QRICH2: variants seen among roughly 807,000 people sequenced by gnomAD.
The protein encoded by QRICH2 is glutamine rich 2.
A neutral mutation model predicts 168.3 loss-of-function variants in QRICH2; 119 were observed. The ratio of observed to expected loss-of-function variants is 0.71; its 90% confidence interval spans 0.61 to 0.82. The LOEUF is 0.82. QRICH2 is among the 40% of genes least tolerant of loss of function. The pLI is 0.00. For missense variants in QRICH2, 2,241 were observed against 2,491.6 expected (o/e 0.90, Z 2.14); for synonymous variants, 894 against 951.2 (o/e 0.94, Z 1.11).
intron 6 of QRICH2, 28 bp from the exon 7 acceptor site, chr17:76,287,334 A>C (rs2070908012): frequency 6.5e-7 from 1 of 1,537,792 alleles, no homozygotes; most frequent in Non-Finnish European, 9.0e-7. Flanking sequence ...AGACTGCCAG[A>C]CTCCACACTC....
In QRICH2 at chr17:76,281,778, C is replaced by T. The variant is rs548851214; in HGVS notation, c.4263+86G>A. 9 of 1,542,256 alleles carry T rather than the reference C, an allele frequency of 5.8e-6. No individual in the cohort carries two copies. In the South Asian group the frequency reaches 9.5e-5, roughly 16 times the overall value. ...CTGACCTTGAGGCCCAAACACCCGCCCCACTTCTGTGGGTCTGCAGCAGGG... is the reference window on the plus strand; with the variant it reads ...CTGACCTTGAGGCCCAAACACCCGCTCCACTTCTGTGGGTCTGCAGCAGGG... On this transcript the variant is annotated intron_variant, in intron 8 of 18. Transcript: ENST00000680821. This position sits in a 1 kb window ranked among gnomAD's most constrained non-coding sequence, Gnocchi z 4.4.
intron 7 of QRICH2, among the ~76,000 whole-genome samples, chr17:76,286,622 G>T (rs529133138): frequency 6.6e-6 from 1 of 152,080 alleles, no homozygotes; most frequent in South Asian, 2.1e-4. Flanking sequence ...CAATTTAAAA[G>T]GGTGAATTCA....
chr17:76,286,573 G>A (rs1327232486), intron 7 of QRICH2, among the ~76,000 whole-genome samples: 1 of 152,090 alleles, frequency 6.6e-6, no homozygotes, highest in East Asian at 1.9e-4. Context: ...TTAGATTGTG[G>A]TGATAGTTGC....
At chr17:76,279,618 G>C (rs559632226) in intron 12 of QRICH2, among the ~76,000 whole-genome samples, 190 bp from the exon 13 acceptor site, 25 of 152,280 alleles carry the variant, frequency 1.6e-4, no homozygotes, top group African/African-American at 5.8e-4. Flanking sequence ...AAAGCCAGCA[G>C]GCTTCCCATG....
chr17:76,279,352 T>C lies in QRICH2; in HGVS notation c.4814+11A>G. ...CATGCGAGGCCACGTGCCGGCGGTG[T>C]GGGCACTCACTGTCCAGTCACAGGT... is the stretch of plus-strand genomic sequence containing the variant. On this transcript the variant is annotated intron_variant, in intron 13 of 18. Transcript: ENST00000680821. The C allele has an allele frequency of 6.2e-7, 1 of 1,610,526 alleles. No homozygotes were observed. The highest frequency in any genetic ancestry group is 8.5e-7 in the Non-Finnish European group (1 of 1,178,064).
Position 76,282,027 on chromosome 17 carries a change from G to C in QRICH2, c.4100C>G (p.Thr1367Ser), listed in dbSNP as rs2070798054. The C allele has an allele frequency of 1.2e-6, 2 of 1,613,602 alleles. No individual in the cohort carries two copies. Among genetic ancestry groups the C allele is most frequent in the African/African-American group, 2.7e-5 (2 of 74,940 alleles). ...SMSMAPHKAHTLAPGQIDPEA... is the reference protein window; with the variant it reads ...SMSMAPHKAHSLAPGQIDPEA... ...AGGGTCGATCTGGCCAGGAGCCAAG[G>C]TGTGGGCCTTGTGCGGGGCCATGCT... The change falls in exon 8 of 19, where the codon ACC becomes AGC. Residue 1367 changes from threonine to serine, a missense_variant. Physicochemically the swap from Thr to Ser is moderately conservative, Grantham distance 58. Transcript: ENST00000680821.
In QRICH2 at chr17:76,292,966, C is replaced by G; in HGVS notation, c.1761G>C (p.Gln587His). Residue 587 changes from glutamine to histidine, a missense_variant, in exon 4 of 19, where the codon CAG becomes CAC. Physicochemically the swap from Gln to His is conservative, Grantham distance 24. Transcript: ENST00000680821. ...CTGCACCAGGTTGGACCAAGCCAGG[C>G]TGATATGCACCACGCTGCACCAAAG... ...QRALVQRGAY[Q>H]PGLVQPGADQ... The G allele has an allele frequency of 6.2e-7, 1 of 1,614,204 alleles. No homozygotes were observed. The highest frequency in any genetic ancestry group is 8.5e-7 in the Non-Finnish European group (1 of 1,180,050).
Position 76,280,458 on chromosome 17 carries a change from AG to A in QRICH2, c.4462-8del. On this transcript the variant is annotated splice_region_variant and splice_polypyrimidine_tract_variant and intron_variant, in intron 10 of 18. Coordinates refer to ENST00000680821, the MANE Select transcript of QRICH2 (RefSeq NM_001388453.1). This position sits in a 1 kb window ranked among gnomAD's most constrained non-coding sequence, Gnocchi z 7.4. ...GAGCACTCTTGTCGGCTTTCTGCCCAGAGACAGACAGAGGTCCCCGCATCTG... is the reference window on the plus strand; with the variant it reads ...GAGCACTCTTGTCGGCTTTCTGCCCAAGACAGACAGAGGTCCCCGCATCTG... 1 of 1,613,012 alleles carries A rather than the reference AG, an allele frequency of 6.2e-7. No individual in the cohort carries two copies. Among genetic ancestry groups the A allele is most frequent in the African/African-American group, 1.3e-5 (1 of 75,044 alleles).
At chr17:76,285,910 C>T (rs939464019) in intron 7 of QRICH2, among the ~76,000 whole-genome samples, 5 of 151,852 alleles carry the variant, frequency 3.3e-5, no homozygotes, top group Non-Finnish European at 7.4e-5. Context: ...CGGTGGCTCA[C>T]GCCTATAATC....
Position 76,284,988 on chromosome 17 carries a change from G to A in QRICH2, c.4011+2204C>T, listed in dbSNP as rs548708950. Among the ~76,000 whole-genome samples the A allele has an allele frequency of 3.4e-5, 5 of 148,976 alleles. No individual in the cohort carries two copies. In the South Asian group the frequency reaches 6.4e-4, roughly 19 times the overall value. On this transcript the variant is annotated intron_variant, in intron 7 of 18. Transcript: ENST00000680821. The stretch of plus-strand genomic sequence containing the variant: ...TTTTTTTTTTTTGAGACAGGGTCTC[G>A]CTGTCACCCAGGCTGGCGTCCAGTG...
At chr17:76,289,632 A>G (rs1000687718) in intron 5 of QRICH2, among the ~76,000 whole-genome samples, 12 of 151,416 alleles carry the variant, frequency 7.9e-5, no homozygotes, top group Admixed American at 3.9e-4. Flanking sequence ...AAGTGCTATT[A>G]TTAGCATTAA....
intron 7 of QRICH2, among the ~76,000 whole-genome samples, chr17:76,282,780 G>A (rs2070813221): frequency 6.6e-6 from 1 of 152,166 alleles, no homozygotes; most frequent in South Asian, 2.1e-4. Flanking sequence ...TCCCTCAACT[G>A]GCCAAAGACC....
At chr17:76,308,863 A>G (rs1228229647), upstream of QRICH2, among the ~76,000 whole-genome samples, 5 of 151,702 alleles carry the variant, frequency 3.3e-5, no homozygotes, top group African/African-American at 1.2e-4. Flanking sequence ...CTCCTGCCTC[A>G]GCCTCCCGAG....
chr17:76,291,718 T>A lies in QRICH2; in HGVS notation c.3009A>T (p.Ser1003=). 3 of 1,614,204 alleles carry A rather than the reference T, an allele frequency of 1.9e-6. No individual in the cohort carries two copies. Among genetic ancestry groups the A allele is most frequent in the Non-Finnish European group, 2.5e-6 (3 of 1,180,032 alleles). ...CCATACCATGTTGATATGGACGTAC[T>A]GATATAAAACCTGTAGAATCTGCCT... ...TFQADSTGFI[S]VRPYQHGMVP... The change falls in exon 4 of 19, where the codon TCA becomes TCT. Residue 1003 remains serine (S), a synonymous_variant. Transcript: ENST00000680821.
Position 76,277,305 on chromosome 17 carries a change from G to C in QRICH2, c.5123C>G (p.Thr1708Arg). 6.2e-7 allele frequency: 1 copy of C among 1,609,872 alleles called. No individual in the cohort carries two copies. The highest frequency in any genetic ancestry group is 1.1e-5 in the South Asian group (1 of 90,504). The stretch of plus-strand genomic sequence containing the variant: ...TGAGTAGGTGTAATCAGCCATATCT[G>C]TCACCCTGTGATGAAGACAGGATGG... ...CLGSPCYKRV[T>R]DMADYTYSTV... The change falls in exon 16 of 19, where the codon ACA becomes AGA. Residue 1708 changes from threonine (T) to arginine (R), a missense_variant. Transcript: ENST00000680821.
chr17:76,287,134 C>T (rs1456495648), intron 7 of QRICH2, 58 bp downstream of exon 7: 1 of 1,239,184 alleles, frequency 8.1e-7, no homozygotes, highest in Non-Finnish European at 1.2e-6. Context: ...AGGGCAGGGC[C>T]AAGCCAGCTC....
At position 76,291,211 on chromosome 17, in the gene QRICH2, C is replaced by T. The variant is rs368746715; in HGVS notation, c.3516G>A (p.Ser1172=). 17 of 1,614,178 alleles carry T rather than the reference C, an allele frequency of 1.1e-5. No homozygotes were observed. The highest frequency in any genetic ancestry group is 6.7e-5 in the East Asian group (3 of 44,880). The change falls in exon 4 of 19, where the codon TCG becomes TCA. Residue 1172 remains serine, a synonymous_variant. Coordinates refer to ENST00000680821, the MANE Select transcript of QRICH2 (RefSeq NM_001388453.1). ...TGCGTCGCTCACTCAGGACTTCACT[C>T]GAGACTTCGCTCCCTTCTGATAAGA... ...DRVLSEGSEV[S]SEVLSERRNS...
Position 76,278,056 on chromosome 17 carries a change from T to C in QRICH2, c.5050A>G (p.Lys1684Glu). The change falls in exon 15 of 19, where the codon AAG (lysine) becomes GAG (glutamate). Residue 1684 changes from lysine (K) to glutamate (E), a missense_variant. Lys to Glu is a moderately conservative substitution (Grantham distance 56). Around this residue, in one of 3 missense-constraint regions of QRICH2, gnomAD observed 2,047 missense variants for 2,303.8 expected, o/e 0.89. Coordinates refer to ENST00000680821, the MANE Select transcript of QRICH2 (RefSeq NM_001388453.1). ...TCGCGGATTATCTGGCTGCTGGCCT[T>C]GGTGGAGCCCCCGAAGTGGATCTGC... is the stretch of plus-strand genomic sequence containing the variant. The part of the protein sequence containing the change: ...KVQIHFGGST[K>E]ASSQIIRELL... 6.2e-7 allele frequency: 1 copy of C among 1,613,968 alleles called. No individual in the cohort carries two copies. Among genetic ancestry groups the C allele is most frequent in the South Asian group, 1.1e-5 (1 of 91,092 alleles).
rs759270014 is a variant in QRICH2, at chr17:76,291,669, C to T, written c.3058G>A (p.Gly1020Ser). Residue 1020 changes from glycine to serine, a missense_variant, in exon 4 of 19, where the codon GGC becomes AGC. Physicochemically the swap from Gly to Ser is moderately conservative, Grantham distance 56 (BLOSUM62 0). Around this residue, in one of 3 missense-constraint regions of QRICH2, gnomAD observed 2,047 missense variants for 2,303.8 expected, o/e 0.89. Transcript: ENST00000680821. ...GMVPPGREQY[G>S]QVSPLLASQG... ...CTGGCTAGGAGTGGTGACACCTGGC[C>T]GTATTGTTCTCTGCCAGGAGGTACC... 6.2e-6 allele frequency: 10 copies of T among 1,613,924 alleles called. No individual in the cohort carries two copies. The highest frequency in any genetic ancestry group is 5.5e-5 in the South Asian group (5 of 91,084).
Sources: allele counts gnomAD v4.1 joint callset (sites outside exome capture counted in the v4.1 genomes callset), GRCh38; gene constraint gnomAD v4.1.1; regional missense constraint gnomAD v4.1.1; non-coding constraint Gnocchi (gnomAD v3.1); transcripts MANE v1.5; gene names NCBI Gene and HGNC (gene_info 2026-07-23, HGNC 2026-07-21).